The following QTMAN variants were observed in gnomAD, a reference collection of about 807,000 sequenced individuals.
QTMAN encodes the protein tRNA-queuosine alpha-mannosyltransferase.
the QTMAN span, chr2:144,146,022 G>A: frequency 1.3e-4 from 22 of 163,106 alleles, no homozygotes; most frequent in South Asian, 1.3e-3. Flanking sequence ...AAAAAAAGCC[G>A]GATGGATTTT....
chr2:144,124,202 C>T, the QTMAN span, among the ~76,000 whole-genome samples: 5 of 152,056 alleles, frequency 3.3e-5, no homozygotes, highest in African/African-American at 4.8e-5. Context: ...TTATAAGAAG[C>T]AAGTGCCATA....
chr2:144,318,612 T>C, the QTMAN span, among the ~76,000 whole-genome samples: 1 of 152,214 alleles, frequency 6.6e-6, no homozygotes, highest in Non-Finnish European at 1.5e-5. Flanking sequence ...ATCTTTTTCC[T>C]AGCAGGATGG....
chr2:144,262,634 AG>A, the QTMAN span, among the ~76,000 whole-genome samples: 1 of 33,280 alleles, frequency 3.0e-5, no homozygotes, highest in African/African-American at 1.2e-4. Context: ...AAGGGAGGGG[AG>A]GGAGAGGGGA....
At chr2:144,328,277 A>C in the QTMAN span, among the ~76,000 whole-genome samples, 1 of 152,188 alleles carries the variant, frequency 6.6e-6, no homozygotes, top group Admixed American at 6.5e-5. Flanking sequence ...CACTCAAAAA[A>C]AATTATCGTC....
chr2:144,218,939 C>CAAAAAAAAAAAA, the QTMAN span, among the ~76,000 whole-genome samples: 18 of 104,232 alleles, frequency 1.7e-4, no homozygotes, highest in Non-Finnish European at 1.4e-4. Flanking sequence ...AAAAAAAAAG[C>CAAAAAAAAAAAA]AAAATCCTAG....
chr2:144,090,031 C>T, the QTMAN span, among the ~76,000 whole-genome samples: 4 of 151,820 alleles, frequency 2.6e-5, no homozygotes, highest in Admixed American at 6.6e-5. Flanking sequence ...TGACTTATTT[C>T]GGGAATGAAA....
At chr2:143,977,775 T>A in the QTMAN span, among the ~76,000 whole-genome samples, 1 of 152,166 alleles carries the variant, frequency 6.6e-6, no homozygotes, top group Non-Finnish European at 1.5e-5. Flanking sequence ...AAAATTAAAT[T>A]CTATGTGTAT....
At chr2:144,100,317 C>T in the QTMAN span, among the ~76,000 whole-genome samples, 2 of 152,214 alleles carry the variant, frequency 1.3e-5, no homozygotes, top group Non-Finnish European at 2.9e-5. Flanking sequence ...TTCACAGTTA[C>T]ACCAGCCAGA....
chr2:144,332,338 A>T, the QTMAN span: 1 of 148,724 alleles, frequency 6.7e-6, no homozygotes, highest in Non-Finnish European at 1.5e-5. Context: ...ATCTCCGCGC[A>T]GCGCGGCCCC....
the QTMAN span, among the ~76,000 whole-genome samples, chr2:144,060,347 G>A: frequency 5.9e-5 from 9 of 151,312 alleles, no homozygotes; most frequent in South Asian, 1.5e-3. Flanking sequence ...TGCAACCTCC[G>A]CCTCCCTGGT....
At chr2:144,158,796 T>C in the QTMAN span, among the ~76,000 whole-genome samples, 24 of 152,140 alleles carry the variant, frequency 1.6e-4, no homozygotes, top group African/African-American at 5.8e-4. Context: ...CTCATGCATA[T>C]AGAGGTATTG....
chr2:144,069,642 A>T, the QTMAN span, among the ~76,000 whole-genome samples: 1 of 152,084 alleles, frequency 6.6e-6, no homozygotes, highest in Non-Finnish European at 1.5e-5. Flanking sequence ...AAGAAGCCAG[A>T]GCTGCTCAAA....
At chr2:144,051,067 T>A in the QTMAN span, among the ~76,000 whole-genome samples, 1 of 152,236 alleles carries the variant, frequency 6.6e-6, no homozygotes, top group South Asian at 2.1e-4. Context: ...GATAGTTGTA[T>A]CATTATATTG....
At chr2:144,328,906 T>C in the QTMAN span, among the ~76,000 whole-genome samples, 4,399 of 152,212 alleles carry the variant, frequency 0.029, 87 homozygotes, top group Admixed American at 0.044. Context: ...ATTCAAAGAA[T>C]GGAGTGTTGG....
At chr2:144,226,100 T>C in the QTMAN span, among the ~76,000 whole-genome samples, 1 of 152,224 alleles carries the variant, frequency 6.6e-6, no homozygotes, top group Non-Finnish European at 1.5e-5. Flanking sequence ...CAGGTATTAC[T>C]ATGGTATTCA....
chr2:144,185,231 A>T, the QTMAN span, among the ~76,000 whole-genome samples: 6 of 152,326 alleles, frequency 3.9e-5, no homozygotes, highest in Admixed American at 3.3e-4. Flanking sequence ...TTAAAAGACA[A>T]GAAAACTGAA....
the QTMAN span, among the ~76,000 whole-genome samples, chr2:144,084,769 T>A: frequency 1.3e-5 from 2 of 149,784 alleles, no homozygotes; most frequent in Non-Finnish European, 2.9e-5. Context: ...TGGCACTCTA[T>A]TTTCTAGATG....
At chr2:144,125,596 G>A in the QTMAN span, among the ~76,000 whole-genome samples, 1 of 151,974 alleles carries the variant, frequency 6.6e-6, no homozygotes, top group Non-Finnish European at 1.5e-5. Context: ...TTCTCAGTGT[G>A]CTTTGGAATC....
At chr2:144,139,732 T>C in the QTMAN span, among the ~76,000 whole-genome samples, 1 of 152,054 alleles carries the variant, frequency 6.6e-6, no homozygotes, top group African/African-American at 2.4e-5. Context: ...TTAGCGAAAC[T>C]GCTGAGGTGA....
Sources: gnomAD v4.1 joint callset for allele counts (sites outside exome capture counted in the v4.1 genomes callset) on GRCh38, gnomAD v4.1.1 for gene constraint, MANE v1.5 for transcripts, NCBI Gene and HGNC (gene_info 2026-07-23, HGNC 2026-07-21) for gene names.